Variants in RASEF observed in about 807,000 individuals in gnomAD.
The protein encoded by RASEF is ras and EF-hand domain-containing protein.
Under a neutral mutation model 90.1 loss-of-function variants are expected in RASEF, and 68 were observed. That is an observed-to-expected ratio of 0.75 (90% CI 0.62 to 0.92). RASEF has a LOEUF of 0.92. Among genes scored for constraint, RASEF ranks in the 40% least tolerant of loss-of-function variants. The pLI, the probability that RASEF is intolerant of heterozygous loss-of-function variation, is 0.00. For missense variants in RASEF, 949 were observed against 937.2 expected (o/e 1.01, Z -0.16); for synonymous variants, 331 against 345.2 (o/e 0.96, Z 0.46).
intron 1 of RASEF, among the ~76,000 whole-genome samples, chr9:83,042,067 AT>A (rs1208603455): frequency 6.6e-6 from 1 of 152,110 alleles, no homozygotes; most frequent in Non-Finnish European, 1.5e-5. Context: ...CTCAGTTTAT[AT>A]TTTTTTATCC....
chr9:83,064,315 CCAT>C (rs1488534617), upstream of RASEF, among the ~76,000 whole-genome samples: 2 of 152,166 alleles, frequency 1.3e-5, no homozygotes, highest in Admixed American at 6.5e-5. Flanking sequence ...GAGAGGCATT[CCAT>C]TAGAAGTCCT....
chr9:83,175,786 T>G, the RASEF span, among the ~76,000 whole-genome samples: 1 of 152,126 alleles, frequency 6.6e-6, no homozygotes, highest in Non-Finnish European at 1.5e-5. Flanking sequence ...TTCACTGTGT[T>G]AGCCAGGATG....
the RASEF span, among the ~76,000 whole-genome samples, chr9:83,123,732 C>T: frequency 6.6e-6 from 1 of 152,212 alleles, no homozygotes; most frequent in Admixed American, 6.5e-5. Flanking sequence ...TCCTGGTCCT[C>T]TTTAACTGAT....
rs1828584563 is a variant in RASEF, at chr9:82,980,846, C to T, written c.*1831G>A. ...AATGTAATCTTTTCTTTTTCTGGAA[C>T]CAGGAAACAGGAATTCATGGCAGAG... is the stretch of plus-strand genomic sequence containing the variant. On this transcript the variant is annotated 3_prime_UTR_variant, in exon 17 of 17. Coordinates refer to ENST00000376447, the MANE Select transcript of RASEF (RefSeq NM_152573.4). 6.6e-6 allele frequency: 1 copy of T among 152,112 alleles called. No individual in the cohort carries two copies. The highest frequency in any genetic ancestry group is 1.5e-5 in the Non-Finnish European group (1 of 68,022). 9.4% of individuals were successfully genotyped at this position (152,112 alleles called of 1,614,324 possible).
chr9:83,093,083 G>A, the RASEF span, among the ~76,000 whole-genome samples: 7,868 of 142,676 alleles, frequency 0.055, 695 homozygotes, highest in African/African-American at 0.19. Context: ...CGATTGGTGC[G>A]CTCACAAACC....
intron 4 of RASEF, among the ~76,000 whole-genome samples, chr9:83,013,952 A>G (rs1005639374): frequency 1.5e-4 from 23 of 152,222 alleles, no homozygotes; most frequent in African/African-American, 5.3e-4. Flanking sequence ...AAATGGGTAC[A>G]GTTTTGACAA....
At chr9:83,011,421 G>A (rs528745295) in intron 5 of RASEF, among the ~76,000 whole-genome samples, 4 of 151,744 alleles carry the variant, frequency 2.6e-5, no homozygotes, top group Admixed American at 2.6e-4. Flanking sequence ...GCGTGGTGGT[G>A]CGCATCTATA....
the RASEF span, among the ~76,000 whole-genome samples, chr9:83,137,121 G>A: frequency 6.6e-6 from 1 of 152,014 alleles, no homozygotes; most frequent in Non-Finnish European, 1.5e-5. Flanking sequence ...TTACTGAAAT[G>A]TTATCCAATG....
At chr9:83,174,254 A>C in the RASEF span, among the ~76,000 whole-genome samples, 1 of 151,974 alleles carries the variant, frequency 6.6e-6, no homozygotes, top group Non-Finnish European at 1.5e-5. Context: ...AAGATTTGTC[A>C]CTGTTTTATT....
chr9:83,035,141 A>G (rs1269214579), intron 1 of RASEF, among the ~76,000 whole-genome samples: 2 of 152,230 alleles, frequency 1.3e-5, no homozygotes, highest in Non-Finnish European at 2.9e-5. Context: ...GTTCAAGGTC[A>G]GTCTGCAAAA....
intron 4 of RASEF, among the ~76,000 whole-genome samples, chr9:83,014,642 A>T (rs1829310938): frequency 2.0e-5 from 3 of 152,074 alleles, no homozygotes; most frequent in Admixed American, 1.3e-4. Context: ...TTAATTATCC[A>T]TTTTCATTTT....
At chr9:83,065,704 TC>T (rs1322413474), upstream of RASEF, among the ~76,000 whole-genome samples, 13 of 152,276 alleles carry the variant, frequency 8.5e-5, no homozygotes, top group Admixed American at 2.0e-4. Context: ...TGTCCTAACA[TC>T]CTGTTTATTC....
chr9:83,054,552 A>G (rs1433614689), intron 1 of RASEF: 4 of 148,540 alleles, frequency 2.7e-5, no homozygotes, highest in East Asian at 2.0e-4. Flanking sequence ...GCTCGTCAAA[A>G]TCATTTTCCA....
At chr9:83,161,517 G>A in the RASEF span, among the ~76,000 whole-genome samples, 1 of 152,000 alleles carries the variant, frequency 6.6e-6, no homozygotes, top group Admixed American at 6.5e-5. Context: ...TAACTAACTT[G>A]CTTTTTATTT....
the RASEF span, among the ~76,000 whole-genome samples, chr9:83,217,108 A>G: frequency 4.0e-5 from 6 of 151,656 alleles, no homozygotes; most frequent in African/African-American, 1.5e-4. Flanking sequence ...TGACTTCCCT[A>G]TTGGGTTTCA....
At chr9:83,102,668 G>A in the RASEF span, among the ~76,000 whole-genome samples, 1 of 152,186 alleles carries the variant, frequency 6.6e-6, no homozygotes, top group Non-Finnish European at 1.5e-5. Flanking sequence ...CTTCAATGTG[G>A]TTCCCACTGG....
chr9:82,998,312 AG>A, intron 13 of RASEF, 52 bp downstream of exon 13: 2 of 1,096,154 alleles, frequency 1.8e-6, no homozygotes, highest in Non-Finnish European at 2.8e-6. Context: ...GTGGCCTGCA[AG>A]GCTTGTTAAT....
intron 1 of RASEF, among the ~76,000 whole-genome samples, chr9:83,061,866 A>T (rs1412792876): frequency 6.6e-6 from 1 of 152,254 alleles, no homozygotes; most frequent in Non-Finnish European, 1.5e-5. Flanking sequence ...GTTCAGAAAT[A>T]AGCTAGCCTA....
chr9:83,105,354 A>G, the RASEF span, among the ~76,000 whole-genome samples: 1 of 152,192 alleles, frequency 6.6e-6, no homozygotes, highest in Non-Finnish European at 1.5e-5. Flanking sequence ...AAAAAGATAG[A>G]CAGCAGCCAT....
Sources: gnomAD v4.1 joint callset for allele counts (sites outside exome capture counted in the v4.1 genomes callset) on GRCh38, gnomAD v4.1.1 for gene constraint, MANE v1.5 for transcripts, NCBI Gene and HGNC (gene_info 2026-07-23, HGNC 2026-07-21) for gene names.